Variants in SYT2 observed in about 807,000 individuals in gnomAD.
SYT2 encodes synaptotagmin-2.
In SYT2, 15 loss-of-function variants were observed where a neutral mutation model predicts 39.9. That is an observed-to-expected ratio of 0.38 (90% confidence interval 0.25 to 0.58). The LOEUF is 0.58. Ranked by LOEUF, SYT2 falls within the 20% of genes least tolerant of loss-of-function variation. The probability of loss-of-function intolerance (pLI) is 0.70; values close to 1 mark genes in which losing one functional copy is unlikely to be tolerated. For missense variants in SYT2, 389 were observed against 530.3 expected (o/e 0.73, Z 2.62); for synonymous variants, 181 against 204.5 (o/e 0.89, Z 0.98).
intron 1 of SYT2, among the ~76,000 whole-genome samples, chr1:202,625,035 T>TGTCTAGTAGG: frequency 6.9e-6 from 1 of 145,576 alleles, no homozygotes. Flanking sequence ...GTGTGTGTGG[T>TGTCTAGTAGG]GTGTGTGGTG....
rs1331112875 is a variant in SYT2, at chr1:202,604,763, G to GAGTGATTT, written c.179-150_179-143dup. On this transcript the variant is annotated intron_variant, in intron 2 of 8. Coordinates refer to ENST00000367268, the MANE Select transcript of SYT2 (RefSeq NM_177402.5). ...CACATTTTAAAAGCCACACACCCAT[G>GAGTGATTT]AGTGATTTGTATGTAAGGTGCATAT... 6.1e-6 allele frequency: 4 copies of GAGTGATTT among 652,544 alleles called. No individual in the cohort carries two copies. The Admixed American group carries it at 1.2e-4, about 20-fold the overall frequency. 40.4% of individuals were successfully genotyped at this position (652,544 alleles called of 1,614,324 possible). A position where few individuals can be genotyped will look rare whatever the true frequency, so the allele number is the denominator to read the frequency against.
chr1:202,603,135 A>T lies in SYT2; in HGVS notation c.346-17T>A, dbSNP rs201795866. 2.5e-6 allele frequency: 4 copies of T among 1,613,464 alleles called. No individual in the cohort carries two copies. Among genetic ancestry groups the T allele is most frequent in the Non-Finnish European group, 3.4e-6 (4 of 1,179,828 alleles). On this transcript the variant is annotated splice_polypyrimidine_tract_variant and intron_variant, in intron 3 of 8. Coordinates refer to ENST00000367268, the MANE Select transcript of SYT2 (RefSeq NM_177402.5). ...GTCGTCATCCTGTGGGAGCTGGGGG[A>T]GAGAGGGAACAAGTTAAAAGGGGAG...
At chr1:202,702,022 C>A (rs1430775739) in intron 1 of SYT2, among the ~76,000 whole-genome samples, 3 of 152,206 alleles carry the variant, frequency 2.0e-5, no homozygotes, top group African/African-American at 7.2e-5. Flanking sequence ...CTCTCCTCTG[C>A]CCCTTCCCCA....
chr1:202,686,519 G>C (rs1653671871), intron 1 of SYT2, among the ~76,000 whole-genome samples: 1 of 152,098 alleles, frequency 6.6e-6, no homozygotes, highest in South Asian at 2.1e-4. Context: ...ATGTCCCACT[G>C]GCCTGAGAAA....
In SYT2 at chr1:202,625,236, TGTG is replaced by T. The variant is rs1411192046; in HGVS notation, c.-17-19450_-17-19448del. 3.1e-4 allele frequency among the ~76,000 whole-genome samples: 38 copies of T among 122,368 alleles called. 1 individual carries two copies. Among genetic ancestry groups the T allele is most frequent in the Admixed American group, 2.4e-3 (32 of 13,178 alleles). 80.3% of individuals were successfully genotyped at this position (122,368 alleles called of 152,430 possible). ...ATGTTTGTGGTGTGTGCTGTGTCTGTGTGGTGTGTGTGTGGTGTGTGTGGCATG... is the reference window on the plus strand; with the variant it reads ...ATGTTTGTGGTGTGTGCTGTGTCTGTGTGTGTGTGTGGTGTGTGTGGCATG... On this transcript the variant is annotated intron_variant, in intron 1 of 8. Transcript: ENST00000367268.
At position 202,614,975 on chromosome 1, in the gene SYT2, G is replaced by A. The variant is rs1231080834; in HGVS notation, c.-17-9186C>T. ...GGGGGCAGGGGTAACATGTACAAAT[G>A]TATATTTTAAAAGTTTCGCTTTGGC... is the stretch of plus-strand genomic sequence containing the variant. On this transcript the variant is annotated intron_variant, in intron 1 of 8. Coordinates refer to ENST00000367268, the MANE Select transcript of SYT2 (RefSeq NM_177402.5). This position sits in a 1 kb window ranked among gnomAD's most constrained non-coding sequence, Gnocchi z 4.0. 1.3e-5 allele frequency among the ~76,000 whole-genome samples: 2 copies of A among 152,230 alleles called. No individual in the cohort carries two copies. The highest frequency in any genetic ancestry group is 2.9e-5 in the Non-Finnish European group (2 of 68,046).
In SYT2 at chr1:202,623,244, T is replaced by G. The variant is rs921019868; in HGVS notation, c.-17-17455A>C. On this transcript the variant is annotated intron_variant, in intron 1 of 8. Coordinates refer to ENST00000367268, the MANE Select transcript of SYT2 (RefSeq NM_177402.5). This position sits in a 1 kb window ranked among gnomAD's most constrained non-coding sequence, Gnocchi z 4.2. ...GAGAGGAGCTGGAGTCCAGGCTCCCTGGAGAGGGAGTTAATACTGCAGCAC... is the reference window on the plus strand; with the variant it reads ...GAGAGGAGCTGGAGTCCAGGCTCCCGGGAGAGGGAGTTAATACTGCAGCAC... Among the ~76,000 whole-genome samples, 4 of 152,176 alleles carry G rather than the reference T, an allele frequency of 2.6e-5. No individual in the cohort carries two copies. Among genetic ancestry groups the G allele is most frequent in the Non-Finnish European group, 5.9e-5 (4 of 68,020 alleles).
intron 1 of SYT2, among the ~76,000 whole-genome samples, chr1:202,699,948 A>G (rs992978886): frequency 2.6e-4 from 40 of 152,246 alleles, no homozygotes; most frequent in African/African-American, 9.4e-4. Context: ...CTGGACTACA[A>G]AGTTTTGAAA....
chr1:202,648,662 G>A (rs1692136223), intron 1 of SYT2, among the ~76,000 whole-genome samples: 1 of 152,224 alleles, frequency 6.6e-6, no homozygotes, highest in South Asian at 2.1e-4. Context: ...CTGGAGTATG[G>A]ATTTGCATCC....
chr1:202,639,085 T>C (rs2149095520), intron 1 of SYT2, among the ~76,000 whole-genome samples: 1 of 152,352 alleles, frequency 6.6e-6, no homozygotes, highest in Non-Finnish European at 1.5e-5. Context: ...CTGCCCTGTC[T>C]GGCTCAAGAG....
At chr1:202,677,879 C>T (rs1275460121) in intron 1 of SYT2, among the ~76,000 whole-genome samples, 1 of 152,178 alleles carries the variant, frequency 6.6e-6, no homozygotes, top group Non-Finnish European at 1.5e-5. Flanking sequence ...TACATACCTA[C>T]ATTTTTATAA....
intron 1 of SYT2, among the ~76,000 whole-genome samples, chr1:202,695,431 C>T (rs1160268645): frequency 6.6e-6 from 1 of 152,168 alleles, no homozygotes; most frequent in Non-Finnish European, 1.5e-5. Flanking sequence ...ACATGAAACT[C>T]CCTGGCCTCC....
intron 1 of SYT2, among the ~76,000 whole-genome samples, chr1:202,675,046 T>C (rs891066485): frequency 2.0e-5 from 3 of 152,190 alleles, no homozygotes; most frequent in African/African-American, 7.2e-5. Flanking sequence ...GCCATGGCTT[T>C]CTTGTTTATT....
At chr1:202,689,896 C>T (rs867444118) in intron 1 of SYT2, among the ~76,000 whole-genome samples, 4 of 151,966 alleles carry the variant, frequency 2.6e-5, no homozygotes, top group Middle Eastern at 3.4e-3. Context: ...GAAGTGCCCC[C>T]CTATCACCCC....
intron 1 of SYT2, among the ~76,000 whole-genome samples, chr1:202,666,925 T>G (rs758715641): frequency 1.3e-5 from 2 of 152,168 alleles, no homozygotes; most frequent in African/African-American, 4.8e-5. Context: ...GAGGTTGCAA[T>G]GAGACAAGAT....
At chr1:202,707,896 AC>A (rs369090657) in intron 1 of SYT2, among the ~76,000 whole-genome samples, 11 of 152,072 alleles carry the variant, frequency 7.2e-5, no homozygotes, top group African/African-American at 2.7e-4. Context: ...TCCAAAGCCC[AC>A]CCCCAGGTCT....
At chr1:202,645,230 C>A (rs1692056048) in intron 1 of SYT2, among the ~76,000 whole-genome samples, 1 of 152,182 alleles carries the variant, frequency 6.6e-6, no homozygotes, top group Non-Finnish European at 1.5e-5. Flanking sequence ...TGCTACACTC[C>A]CGTAACCTAC....
At chr1:202,694,804 C>T (rs1474963998) in intron 1 of SYT2, among the ~76,000 whole-genome samples, 1 of 151,860 alleles carries the variant, frequency 6.6e-6, no homozygotes. Context: ...CCTCCTCCTT[C>T]TCTCCCCTCC....
intron 5 of SYT2, 69 bp downstream of exon 5, chr1:202,602,309 G>C (rs1690533971): frequency 1.3e-6 from 2 of 1,505,420 alleles, no homozygotes; most frequent in African/African-American, 1.4e-5. Context: ...ACCAAGGAAA[G>C]GTCTGTAGAA....
Sources: allele counts gnomAD v4.1 joint callset (sites outside exome capture counted in the v4.1 genomes callset), GRCh38; gene constraint gnomAD v4.1.1; non-coding constraint Gnocchi (gnomAD v3.1); transcripts MANE v1.5; gene names NCBI Gene and HGNC (gene_info 2026-07-23, HGNC 2026-07-21).